DGLUCY: variants seen among roughly 807,000 people sequenced by gnomAD.
DGLUCY encodes D-glutamate cyclase, also known as D-glutamate cyclase, mitochondrial.
Under a neutral mutation model 58.5 loss-of-function variants are expected in DGLUCY, and 58 were observed. The observed-to-expected ratio is 0.99, with a 90% CI of 0.80 to 1.23. The LOEUF (loss-of-function observed/expected upper bound fraction) is 1.23. Among genes scored for constraint, DGLUCY ranks in the 50% most tolerant of loss-of-function variants. The pLI, the probability that DGLUCY is intolerant of heterozygous loss-of-function variation, is 0.00. For missense variants in DGLUCY, 779 were observed against 784.7 expected (o/e 0.99, Z 0.09); for synonymous variants, 325 against 314.1 (o/e 1.03, Z -0.37).
At chr14:91,071,432 T>C (rs1402274322) in intron 1 of DGLUCY, among the ~76,000 whole-genome samples, 1 of 151,934 alleles carries the variant, frequency 6.6e-6, no homozygotes, top group Non-Finnish European at 1.5e-5. Flanking sequence ...AAAAGTTTTT[T>C]ACGTTGAAAT....
intron 1 of DGLUCY, among the ~76,000 whole-genome samples, chr14:91,122,800 A>T (rs2140149951): frequency 1.3e-5 from 2 of 151,704 alleles, no homozygotes; most frequent in South Asian, 4.2e-4. Flanking sequence ...GTAGAGACAA[A>T]GTTTCACTAT....
intron 1 of DGLUCY, among the ~76,000 whole-genome samples, chr14:91,067,755 G>A (rs548622468): frequency 6.6e-6 from 1 of 151,988 alleles, no homozygotes; most frequent in Non-Finnish European, 1.5e-5. Flanking sequence ...TCACCTTGTT[G>A]CCCAGGCTGG....
At position 91,118,525 on chromosome 14, in the gene DGLUCY, A is replaced by G. The variant is rs75959591; in HGVS notation, c.-82+4242A>G. Among the ~76,000 whole-genome samples the G allele has an allele frequency of 6.4e-3, 974 of 152,262 alleles. 6 individuals are homozygous for G. The highest frequency in any genetic ancestry group is 0.022 in the African/African-American group (904 of 41,544). The stretch of plus-strand genomic sequence containing the variant: ...GTGAAGAAACATATTTGGGGGTAAG[A>G]TATTTTGATTTCCTTCTTTATCTGT... On this transcript the variant is annotated intron_variant, in intron 1 of 13. Transcript: ENST00000256324.
At chr14:91,112,608 C>G (rs1205571427), upstream of DGLUCY, among the ~76,000 whole-genome samples, 1 of 151,916 alleles carries the variant, frequency 6.6e-6, no homozygotes, top group African/African-American at 2.4e-5. Context: ...TATTCATTCA[C>G]TCACTCATTC....
chr14:91,062,143 A>G (rs2043706082), intron 1 of DGLUCY, among the ~76,000 whole-genome samples: 1 of 152,250 alleles, frequency 6.6e-6, no homozygotes, highest in East Asian at 1.9e-4. Flanking sequence ...AAATAAAAGA[A>G]GTAGCTGTGT....
chr14:91,065,326 G>C (rs1433880470), intron 1 of DGLUCY, among the ~76,000 whole-genome samples: 1 of 152,174 alleles, frequency 6.6e-6, no homozygotes, highest in East Asian at 1.9e-4. Context: ...GGAGATGAGC[G>C]GTTGGGCAAC....
intron 13 of DGLUCY, among the ~76,000 whole-genome samples, chr14:91,217,458 G>A (rs913713973): frequency 2.6e-4 from 39 of 150,752 alleles, no homozygotes; most frequent in African/African-American, 8.8e-4. Flanking sequence ...GCAACCAGAC[G>A]TCCGCATTGC....
chr14:91,080,448 G>GC (rs1158827307), intron 1 of DGLUCY, among the ~76,000 whole-genome samples: 1 of 152,162 alleles, frequency 6.6e-6, no homozygotes, highest in Non-Finnish European at 1.5e-5. Context: ...TCAGCTCACT[G>GC]CAACTTCCAC....
At chr14:91,215,587 A>G (rs775362275) in intron 13 of DGLUCY, 31 bp downstream of exon 13, 1 of 1,613,040 alleles carries the variant, frequency 6.2e-7, no homozygotes, top group South Asian at 1.1e-5. Flanking sequence ...GCTCGCCTGG[A>G]AGCAGCTTTT....
At position 91,199,858 on chromosome 14, in the gene DGLUCY, A is replaced by G; in HGVS notation, c.1397A>G (p.Asp466Gly). ...MNIKHLVDPIDDLFLAAKKIP... is the reference protein window; with the variant it reads ...MNIKHLVDPIGDLFLAAKKIP... The stretch of plus-strand genomic sequence containing the variant: ...ATCAAGCACTTGGTTGACCCCATTG[A>G]CGATCTTTTTCTTGCTGCGAAGAAG... Residue 466 changes from aspartate to glycine, a missense_variant, in exon 11 of 14, where the codon GAC (aspartate) becomes GGC (glycine). Asp to Gly is a moderately conservative substitution (Grantham distance 94). Transcript: ENST00000256324. The G allele has an allele frequency of 1.2e-6, 2 of 1,614,146 alleles. No individual in the cohort carries two copies. The highest frequency in any genetic ancestry group is 1.7e-6 in the Non-Finnish European group (2 of 1,180,024).
chr14:91,166,222 A>G lies in DGLUCY; in HGVS notation c.104-1003A>G, dbSNP rs1225925395. On this transcript the variant is annotated intron_variant, in intron 3 of 13. Transcript: ENST00000256324. The stretch of plus-strand genomic sequence containing the variant: ...GCATTCATTTCATGGCAATTCATCA[A>G]GCTGTAGGTTCGTATGTTTTTGATT... Among the ~76,000 whole-genome samples the G allele has an allele frequency of 2.0e-5, 3 of 152,342 alleles. No homozygotes were observed. The East Asian group carries it at 5.8e-4, about 29-fold the overall frequency.
intron 1 of DGLUCY, among the ~76,000 whole-genome samples, chr14:91,083,858 G>A (rs1566934478): frequency 6.6e-6 from 1 of 152,024 alleles, no homozygotes; most frequent in Admixed American, 6.6e-5. Context: ...CCAATCTAAT[G>A]TAGCTTCCCT....
chr14:91,195,507 C>T (rs1411462909), intron 9 of DGLUCY, among the ~76,000 whole-genome samples: 1 of 152,058 alleles, frequency 6.6e-6, no homozygotes, highest in Non-Finnish European at 1.5e-5. Flanking sequence ...TCTTGACCTT[C>T]CCTGAAGGTA....
intron 1 of DGLUCY, among the ~76,000 whole-genome samples, chr14:91,154,775 C>A (rs994461944): frequency 1.3e-5 from 2 of 152,182 alleles, no homozygotes; most frequent in Non-Finnish European, 2.9e-5. Context: ...CTACTAGCTT[C>A]CTAAAAGGCA....
upstream of DGLUCY, among the ~76,000 whole-genome samples, chr14:91,112,020 C>G (rs554950817): frequency 1.9e-3 from 293 of 151,878 alleles, no homozygotes; most frequent in African/African-American, 6.5e-3. Flanking sequence ...GGCGGATCAC[C>G]TGAGGTCGGG....
chr14:91,075,337 T>C (rs890882804), intron 1 of DGLUCY, among the ~76,000 whole-genome samples: 6 of 152,106 alleles, frequency 3.9e-5, no homozygotes, highest in African/African-American at 1.4e-4. Context: ...GAGACAAGGT[T>C]ACACCATGTT....
intron 3 of DGLUCY, among the ~76,000 whole-genome samples, chr14:91,163,945 G>A (rs1468499780): frequency 6.6e-6 from 1 of 152,118 alleles, no homozygotes; most frequent in African/African-American, 2.4e-5. Flanking sequence ...TTCTCCAATA[G>A]AGCATAATAA....
intron 1 of DGLUCY, among the ~76,000 whole-genome samples, chr14:91,156,661 G>A (rs1415691468): frequency 6.6e-6 from 1 of 152,182 alleles, no homozygotes; most frequent in Non-Finnish European, 1.5e-5. Context: ...TGATGTTAGG[G>A]AATGATGTTT....
At position 91,149,328 on chromosome 14, in the gene DGLUCY, G is replaced by A. The variant is rs1238848935; in HGVS notation, c.-81-8311G>A. The stretch of plus-strand genomic sequence containing the variant: ...GCATACTTTGCTATTAGTTCAGCCT[G>A]TCTTCTGTGTATGCAGGTGGTGTCT... On this transcript the variant is annotated intron_variant, in intron 1 of 13. Transcript: ENST00000256324. 4.6e-5 allele frequency among the ~76,000 whole-genome samples: 7 copies of A among 152,290 alleles called. No individual in the cohort carries two copies. In the East Asian group the frequency reaches 5.8e-4, roughly 13 times the overall value.
Sources: allele counts gnomAD v4.1 joint callset (sites outside exome capture counted in the v4.1 genomes callset), GRCh38; gene constraint gnomAD v4.1.1; transcripts MANE v1.5; gene names NCBI Gene and HGNC (gene_info 2026-07-23, HGNC 2026-07-21).